The following GAP43 variants were observed in gnomAD, a reference collection of about 807,000 sequenced individuals.
The protein encoded by GAP43 is neuromodulin.
In GAP43, 6 loss-of-function variants were observed where a neutral mutation model predicts 18.6. The ratio of observed to expected loss-of-function variants is 0.32; its 90% CI spans 0.18 to 0.64. The LOEUF (loss-of-function observed/expected upper bound fraction) is 0.64, where lower values mean the gene tolerates loss of function less well. Among genes scored for constraint, GAP43 ranks in the 30% least tolerant of loss-of-function variants. GAP43 has a pLI of 0.78. For missense variants in GAP43, 292 were observed against 295.5 expected (o/e 0.99, Z 0.09); for synonymous variants, 115 against 111.4 (o/e 1.03, Z -0.20).
At chr3:115,666,463 C>T (rs536805342) in intron 1 of GAP43, among the ~76,000 whole-genome samples, 3 of 152,126 alleles carry the variant, frequency 2.0e-5, no homozygotes, top group African/African-American at 7.2e-5. Flanking sequence ...AACTTAATGT[C>T]ACGATGCTCT....
chr3:115,652,780 G>A (rs1352589192), intron 1 of GAP43, among the ~76,000 whole-genome samples: 1 of 152,136 alleles, frequency 6.6e-6, no homozygotes, highest in African/African-American at 2.4e-5. Flanking sequence ...ATTTTTGAAA[G>A]GGTTGACAGA....
chr3:115,714,927 T>TAAA (rs1709486010), intron 2 of GAP43, among the ~76,000 whole-genome samples: 1 of 152,026 alleles, frequency 6.6e-6, no homozygotes. Flanking sequence ...GCTGCTATAA[T>TAAA]AAAATACCAT....
chr3:115,673,805 G>A (rs1175299035), intron 1 of GAP43, among the ~76,000 whole-genome samples: 1 of 152,170 alleles, frequency 6.6e-6, no homozygotes, highest in East Asian at 1.9e-4. Context: ...AGAAGGATGG[G>A]CCTCTCCAAA....
intron 1 of GAP43, among the ~76,000 whole-genome samples, chr3:115,674,176 C>G (rs1157255688): frequency 6.6e-6 from 1 of 152,148 alleles, no homozygotes; most frequent in Non-Finnish European, 1.5e-5. Context: ...AGAAGAGGCG[C>G]CGAACATGTT....
At chr3:115,626,337 T>G (rs551496568) in intron 1 of GAP43, among the ~76,000 whole-genome samples, 76 of 152,314 alleles carry the variant, frequency 5.0e-4, no homozygotes, top group African/African-American at 1.7e-3. Flanking sequence ...ACTTCCTTCC[T>G]CTTCCACTTG....
intron 2 of GAP43, among the ~76,000 whole-genome samples, chr3:115,698,258 T>TATAATATATATAAAATATATATA (rs1709244820): frequency 2.4e-5 from 1 of 41,112 alleles, no homozygotes; most frequent in South Asian, 7.2e-4. Flanking sequence ...ATATATAATA[T>TATAATATATATAAAATATATATA]ATATAAAATA....
intron 1 of GAP43, among the ~76,000 whole-genome samples, chr3:115,673,375 T>G (rs528438116): frequency 5.3e-5 from 8 of 152,328 alleles, no homozygotes; most frequent in South Asian, 2.1e-4. Flanking sequence ...CTACTCCTTA[T>G]GTTCATAAAG....
At chr3:115,674,037 C>G (rs1708847917) in intron 1 of GAP43, among the ~76,000 whole-genome samples, 1 of 152,174 alleles carries the variant, frequency 6.6e-6, no homozygotes, top group Admixed American at 6.5e-5. Context: ...CTAACAGCCC[C>G]ACATCATGAT....
intron 1 of GAP43, among the ~76,000 whole-genome samples, chr3:115,636,381 C>G (rs771615746): frequency 1.3e-5 from 2 of 152,100 alleles, no homozygotes; most frequent in Non-Finnish European, 2.9e-5. Context: ...CACATATGCT[C>G]TTTTCATCTT....
At chr3:115,654,845 C>CA (rs1006876460) in intron 1 of GAP43, among the ~76,000 whole-genome samples, 1 of 152,088 alleles carries the variant, frequency 6.6e-6, no homozygotes, top group Non-Finnish European at 1.5e-5. Context: ...GTACACAGTA[C>CA]AGTGCAGCTG....
chr3:115,641,838 T>C (rs1348168115), intron 1 of GAP43, among the ~76,000 whole-genome samples: 2 of 152,096 alleles, frequency 1.3e-5, no homozygotes, highest in African/African-American at 4.8e-5. Context: ...TTGAAATATT[T>C]CTCAGAATCC....
chr3:115,720,793 G>T lies in GAP43; in HGVS notation c.629-1G>T. 1 of 1,610,340 alleles carries T rather than the reference G, an allele frequency of 6.2e-7. No homozygotes were observed. ...CCATCCTATCTTGTTTTCTTTCTCA[G>T]AAGCTGTAGATGAAACCAAACCTAA... On this transcript the variant is annotated splice_acceptor_variant, in intron 2 of 2. Transcript: ENST00000305124. LOFTEE classifies it high-confidence loss of function.
intron 2 of GAP43, among the ~76,000 whole-genome samples, chr3:115,685,497 T>G (rs1709020869): frequency 1.3e-5 from 2 of 152,228 alleles, no homozygotes; most frequent in South Asian, 4.1e-4. Flanking sequence ...CCAACAGTGT[T>G]GGGACACAGA....
At chr3:115,677,016 T>C (rs892448346) in intron 2 of GAP43, among the ~76,000 whole-genome samples, 1 of 152,240 alleles carries the variant, frequency 6.6e-6, no homozygotes, top group Non-Finnish European at 1.5e-5. Context: ...TATTTGGCTC[T>C]AGAAAATGCC....
chr3:115,674,090 G>A (rs1708848632), intron 1 of GAP43, among the ~76,000 whole-genome samples: 1 of 152,172 alleles, frequency 6.6e-6, no homozygotes. Context: ...TTTGACAGGT[G>A]GAAAACTTGT....
chr3:115,669,069 T>TACACACAC (rs151338962), intron 1 of GAP43, among the ~76,000 whole-genome samples: 1 of 145,472 alleles, frequency 6.9e-6, no homozygotes, highest in Admixed American at 6.8e-5. Context: ...AAAGAAAAAG[T>TACACACAC]ACACACACAC....
Position 115,663,691 on chromosome 3 carries a change from C to T in GAP43, c.31-12322C>T, listed in dbSNP as rs1708695414. On this transcript the variant is annotated intron_variant, in intron 1 of 2. Coordinates refer to ENST00000305124, the MANE Select transcript of GAP43 (RefSeq NM_002045.4). The stretch of plus-strand genomic sequence containing the variant: ...TTCTACTTTTCTATTGTAAAGAGAT[C>T]TCAAAACAGGAAGATAAAATTGGAC... 3 of 1,493,082 alleles carry T rather than the reference C, an allele frequency of 2.0e-6. No individual in the cohort carries two copies. In the Admixed American group the frequency reaches 7.5e-5, roughly 37 times the overall value. The allele number at this position is 1,493,082 out of a possible 1,614,324, so 92.5% of individuals were successfully genotyped here. A position where few individuals can be genotyped will look rare whatever the true frequency, so the allele number is the denominator to read the frequency against.
chr3:115,665,968 A>T (rs1214090199), intron 1 of GAP43, among the ~76,000 whole-genome samples: 1 of 150,102 alleles, frequency 6.7e-6, no homozygotes, highest in Non-Finnish European at 1.5e-5. Context: ...TAGATACTGT[A>T]TATGAAATAG....
chr3:115,637,353 A>C (rs1708342552), intron 1 of GAP43, among the ~76,000 whole-genome samples: 1 of 152,102 alleles, frequency 6.6e-6, no homozygotes, highest in African/African-American at 2.4e-5. Context: ...AAGGGAATGT[A>C]CAAGCCAAAT....
Sources: allele counts gnomAD v4.1 joint callset (sites outside exome capture counted in the v4.1 genomes callset), GRCh38; gene constraint gnomAD v4.1.1; transcripts MANE v1.5; gene names NCBI Gene and HGNC (gene_info 2026-07-23, HGNC 2026-07-21).